SCFD1: variants seen among roughly 807,000 people sequenced by gnomAD.
SCFD1 encodes the protein sec1 family domain-containing protein 1.
SCFD1 carries 37 observed loss-of-function variants against 103.2 expected under a neutral mutation model. That is an observed-to-expected ratio of 0.36 (90% CI 0.28 to 0.47). SCFD1 has a LOEUF of 0.47. SCFD1 is among the 20% of genes least tolerant of loss of function. The pLI is 1.00. For missense variants in SCFD1, 639 were observed against 761.2 expected (o/e 0.84, Z 1.89); for synonymous variants, 264 against 245.0 (o/e 1.08, Z -0.73).
intron 10 of SCFD1, among the ~76,000 whole-genome samples, chr14:30,669,489 A>AT (rs1888337357): frequency 6.6e-6 from 1 of 151,786 alleles, no homozygotes; most frequent in Non-Finnish European, 1.5e-5. Context: ...ACTTACTTTT[A>AT]TTTTTGCCTA....
intron 10 of SCFD1, among the ~76,000 whole-genome samples, chr14:30,668,720 C>G (rs1296054441): frequency 6.6e-6 from 1 of 152,028 alleles, no homozygotes; most frequent in African/African-American, 2.4e-5. Context: ...ATCAAACAAC[C>G]CCATCAAAAA....
chr14:30,644,017 A>G (rs746561657), intron 7 of SCFD1: 10 of 456,228 alleles, frequency 2.2e-5, no homozygotes, highest in South Asian at 1.1e-4. Context: ...CTCTATGCTC[A>G]GGTAGACCCC....
At chr14:30,676,096 G>C (rs1170068621) in intron 14 of SCFD1, 1 of 152,220 alleles carries the variant, frequency 6.6e-6, no homozygotes, top group Non-Finnish European at 1.5e-5. Context: ...CTGTTTACCT[G>C]AGGTCATTGT....
intron 14 of SCFD1, among the ~76,000 whole-genome samples, chr14:30,681,053 C>T (rs1164013702): frequency 6.6e-6 from 1 of 152,064 alleles, no homozygotes; most frequent in Non-Finnish European, 1.5e-5. Context: ...ATGGCAAAAC[C>T]TCATCTCTAC....
chr14:30,639,655 G>C, intron 5 of SCFD1, 122 bp from the exon 6 acceptor site: 1 of 1,025,904 alleles, frequency 9.7e-7, no homozygotes, highest in South Asian at 1.9e-5. Flanking sequence ...ACAATTTTTA[G>C]TTATTGAATG....
At chr14:30,715,348 A>T (rs1779258189) in intron 19 of SCFD1, 1 of 152,176 alleles carries the variant, frequency 6.6e-6, no homozygotes, top group Non-Finnish European at 1.5e-5. Context: ...TGGGAAGCTG[A>T]TCACCTAAGG....
rs58612669 is a variant in SCFD1, at chr14:30,724,245, G to GTTT, written c.1836+1711_1836+1713dup. On this transcript the variant is annotated intron_variant, in intron 23 of 24. Transcript: ENST00000458591. ...ATGTCCTTTGCCCACTTTTTTATGG[G>GTTT]TTTTTTTTTTTTTTTTTTTTTTTTT... 6.3e-4 allele frequency among the ~76,000 whole-genome samples: 44 copies of GTTT among 69,680 alleles called. 3 individuals carry two copies. The highest frequency in any genetic ancestry group is 1.9e-3 in the African/African-American group (28 of 14,592). 45.7% of individuals were successfully genotyped at this position (69,680 alleles called of 152,430 possible).
In SCFD1 at chr14:30,639,866, T is replaced by G; in HGVS notation, c.523+2T>G. ...ATAAGGAGCTTGTTTCATATCGTGG[T>G]ATGTAAAAATAGAAATGTTGCAATT... is the stretch of plus-strand genomic sequence containing the variant. On this transcript the variant is annotated splice_donor_variant, in intron 6 of 24. Coordinates refer to ENST00000458591, the MANE Select transcript of SCFD1 (RefSeq NM_016106.4). LOFTEE classifies it high-confidence loss of function. The G allele has an allele frequency of 1.3e-6, 2 of 1,576,114 alleles. No individual in the cohort carries two copies. The highest frequency in any genetic ancestry group is 1.7e-6 in the Non-Finnish European group (2 of 1,162,182).
In SCFD1 at chr14:30,673,266, A is replaced by G. The variant is rs750539094; in HGVS notation, c.1005A>G (p.Pro335=). 1.3e-6 allele frequency: 2 copies of G among 1,587,794 alleles called. No individual in the cohort carries two copies. The highest frequency in any genetic ancestry group is 1.3e-5 in the African/African-American group (1 of 74,348). ...FWQKHKGSPF[P]EVAESVQQEL... ...TGCAATACTGTTTTAGTCCATTCCCAGAAGTTGCAGAATCAGTTCAGCAAG... is the reference window on the plus strand; with the variant it reads ...TGCAATACTGTTTTAGTCCATTCCCGGAAGTTGCAGAATCAGTTCAGCAAG... The change falls in exon 12 of 25, where the codon CCA becomes CCG. Residue 335 remains proline (P), a synonymous_variant. Transcript: ENST00000458591.
chr14:30,677,227 A>G (rs1889101232), intron 14 of SCFD1, among the ~76,000 whole-genome samples: 1 of 152,068 alleles, frequency 6.6e-6, no homozygotes, highest in Non-Finnish European at 1.5e-5. Flanking sequence ...CAGTGGCACA[A>G]TCATAGCTCA....
chr14:30,648,155 G>A (rs1886036913), intron 7 of SCFD1, among the ~76,000 whole-genome samples: 1 of 152,144 alleles, frequency 6.6e-6, no homozygotes, highest in South Asian at 2.1e-4. Context: ...TCTAATGGGG[G>A]TTGTGAGGGC....
intron 6 of SCFD1, among the ~76,000 whole-genome samples, chr14:30,642,873 A>G (rs1239312612): frequency 2.6e-5 from 4 of 152,206 alleles, no homozygotes; most frequent in Non-Finnish European, 4.4e-5. Flanking sequence ...TTATTCATTT[A>G]AAAGAAGTTT....
At chr14:30,645,227 C>A (rs573079571) in intron 7 of SCFD1, among the ~76,000 whole-genome samples, 1 of 151,674 alleles carries the variant, frequency 6.6e-6, no homozygotes, top group Non-Finnish European at 1.5e-5. Context: ...TGGTTACTAC[C>A]GTAAAAGCCG....
At chr14:30,721,838 T>TA (rs1892670960) in intron 21 of SCFD1, 46 bp from the exon 22 acceptor site, 1 of 1,514,494 alleles carries the variant, frequency 6.6e-7, no homozygotes, top group Admixed American at 1.7e-5. Context: ...TTATTCATAA[T>TA]AAAAGCCATG....
intron 4 of SCFD1, chr14:30,634,687 T>G (rs578008552): frequency 9.9e-5 from 39 of 394,922 alleles, no homozygotes; most frequent in Non-Finnish European, 1.8e-4. Context: ...AAGTCCACAC[T>G]GGTGCAGAAG....
In SCFD1 at chr14:30,634,014, GA is replaced by G; in HGVS notation, c.293del (p.Asn98IlefsTer19). 1.3e-6 allele frequency: 2 copies of G among 1,590,748 alleles called. No homozygotes were observed. The highest frequency in any genetic ancestry group is 2.3e-5 in the East Asian group (1 of 43,950). On this transcript the variant is annotated frameshift_variant, in exon 4 of 25. Coordinates refer to ENST00000458591, the MANE Select transcript of SCFD1 (RefSeq NM_016106.4). LOFTEE classifies it high-confidence loss of function. ...AGTATACTTTGTAATGCCAACTGAAGAAAATATTGACAGAATGTGCCAGGTA... is the reference window on the plus strand; with the variant it reads ...AGTATACTTTGTAATGCCAACTGAAGAAATATTGACAGAATGTGCCAGGTA... Reference protein sequence around the residue: ...PAVYFVMPTEENIDRMCQDLR... With the variant: ...PAVYFVMPTEXNIDRMCQDLR...
chr14:30,643,813 A>G (rs745399206), intron 7 of SCFD1: 3 of 369,978 alleles, frequency 8.1e-6, no homozygotes, highest in Non-Finnish European at 1.6e-5. Context: ...TTATGTATGT[A>G]ATACTAATCT....
At chr14:30,732,431 T>C (rs1893541015) in intron 23 of SCFD1, among the ~76,000 whole-genome samples, 1 of 152,212 alleles carries the variant, frequency 6.6e-6, no homozygotes, top group African/African-American at 2.4e-5. Context: ...AGATGCCCTT[T>C]AGATCCATTA....
At chr14:30,703,915 A>G (rs1891253571) in intron 17 of SCFD1, among the ~76,000 whole-genome samples, 1 of 17,372 alleles carries the variant, frequency 5.8e-5, no homozygotes, top group Non-Finnish European at 9.2e-5. Flanking sequence ...ATTTGCATAT[A>G]TATATATATA....
Sources: gnomAD v4.1 joint callset for allele counts (sites outside exome capture counted in the v4.1 genomes callset) on GRCh38, gnomAD v4.1.1 for gene constraint, MANE v1.5 for transcripts, NCBI Gene and HGNC (gene_info 2026-07-23, HGNC 2026-07-21) for gene names.